The following ARHGAP6 variants were observed in gnomAD, a reference collection of about 807,000 sequenced individuals.
ARHGAP6 encodes rho GTPase-activating protein 6.
Under a neutral mutation model 55.7 loss-of-function variants are expected in ARHGAP6, and 16 were observed. The ratio of observed to expected loss-of-function variants is 0.29; its 90% CI spans 0.19 to 0.44. ARHGAP6 has a LOEUF of 0.44. ARHGAP6 is among the 20% of genes least tolerant of loss of function. The pLI, the probability that ARHGAP6 is intolerant of heterozygous loss-of-function variation, is 1.00. For synonymous variants in ARHGAP6, 382 were observed against 360.9 expected (o/e 1.06, Z -0.66); for missense variants, 698 against 808.9 (o/e 0.86, Z 1.66).
intron 1 of ARHGAP6, among the ~76,000 whole-genome samples, chrX:11,467,672 T>C (rs1013347732): frequency 9.0e-6 from 1 of 111,648 alleles, no homozygotes; most frequent in Non-Finnish European, 1.9e-5. Flanking sequence ...TATCCATTTA[T>C]ATAAAGTACA....
intron 2 of ARHGAP6, among the ~76,000 whole-genome samples, chrX:11,222,422 A>T (rs2046985308): frequency 8.9e-6 from 1 of 111,881 alleles, no homozygotes; most frequent in Non-Finnish European, 1.9e-5. Flanking sequence ...TACTGTATGT[A>T]AAAAATATTT....
chrX:11,515,752 T>A (rs1752889246), intron 1 of ARHGAP6, among the ~76,000 whole-genome samples: 1 of 112,681 alleles, frequency 8.9e-6, no homozygotes, highest in Non-Finnish European at 1.9e-5. Flanking sequence ...GAAAGAAATG[T>A]CCTTTTCAGA....
At chrX:11,651,728 T>C (rs1484998644) in intron 1 of ARHGAP6, among the ~76,000 whole-genome samples, 2 of 111,998 alleles carry the variant, frequency 1.8e-5, no homozygotes, top group African/African-American at 6.5e-5. Context: ...TCTTCCACAG[T>C]GGTTCAACTA....
chrX:11,336,793 A>T (rs1735746429), intron 1 of ARHGAP6, among the ~76,000 whole-genome samples: 1 of 111,983 alleles, frequency 8.9e-6, no homozygotes, highest in African/African-American at 3.2e-5. Flanking sequence ...CCCAAGCAAC[A>T]TTCATCTGGG....
intron 1 of ARHGAP6, among the ~76,000 whole-genome samples, chrX:11,268,702 T>C (rs1252996845): frequency 9.0e-6 from 1 of 111,453 alleles, no homozygotes; most frequent in Non-Finnish European, 1.9e-5. Context: ...TGCATAGCCA[T>C]GTGTGGTAGT....
intron 2 of ARHGAP6, among the ~76,000 whole-genome samples, chrX:11,252,754 C>A (rs1423830343): frequency 1.8e-5 from 2 of 112,173 alleles, no homozygotes; most frequent in Admixed American, 1.9e-4. Context: ...CCTTGTCTAT[C>A]TCTCTCTTCT....
chrX:11,624,222 A>T (rs1363347055), intron 1 of ARHGAP6, among the ~76,000 whole-genome samples: 2 of 112,499 alleles, frequency 1.8e-5, no homozygotes, highest in Non-Finnish European at 3.7e-5. Context: ...CAAAAATAAA[A>T]TCAAAATGAA....
At chrX:11,371,313 A>G (rs891198604) in intron 1 of ARHGAP6, among the ~76,000 whole-genome samples, 1 of 112,247 alleles carries the variant, frequency 8.9e-6, no homozygotes, top group Non-Finnish European at 1.9e-5. Flanking sequence ...TTGTAAATAA[A>G]GTTTTATTGG....
At chrX:11,351,513 T>C in intron 1 of ARHGAP6, 1 of 930,664 alleles carries the variant, frequency 1.1e-6, no homozygotes, top group South Asian at 2.4e-5. Flanking sequence ...TGCTGGATAG[T>C]GGCGTTGGAA....
intron 1 of ARHGAP6, among the ~76,000 whole-genome samples, chrX:11,350,366 G>A (rs747618317): frequency 8.9e-6 from 1 of 111,775 alleles, no homozygotes; most frequent in South Asian, 3.7e-4. Context: ...AAAAATATTC[G>A]GAAAAAAAGT....
Position 11,461,638 on chromosome X carries a change from G to A in ARHGAP6, c.588+202603C>T, listed in dbSNP as rs754822933. 1.1e-4 allele frequency among the ~76,000 whole-genome samples: 12 copies of A among 112,229 alleles called. No individual in the cohort carries two copies. In the East Asian group the frequency reaches 2.5e-3, roughly 23 times the overall value. ...TTCCCCGGGCCTCTCTCCAAGGTAC[G>A]GACTGCTTCTTGACCATCACAACGA... On this transcript the variant is annotated intron_variant, in intron 1 of 12. Coordinates refer to ENST00000337414, the MANE Select transcript of ARHGAP6 (RefSeq NM_013427.3).
intron 9 of ARHGAP6, among the ~76,000 whole-genome samples, chrX:11,160,586 T>C (rs923800211): frequency 2.7e-5 from 3 of 112,101 alleles, no homozygotes; most frequent in Admixed American, 1.9e-4. Flanking sequence ...GAGTATGTAG[T>C]ATGTCTAAGA....
intron 1 of ARHGAP6, among the ~76,000 whole-genome samples, chrX:11,385,057 G>T (rs5935048): frequency 0.055 from 6,118 of 111,684 alleles, 186 homozygotes; most frequent in African/African-American, 0.12. Context: ...AGAAAAGGTT[G>T]AAGCTTAGAA....
At chrX:11,641,630 A>G (rs1057267321) in intron 1 of ARHGAP6, among the ~76,000 whole-genome samples, 1 of 112,080 alleles carries the variant, frequency 8.9e-6, no homozygotes, top group Non-Finnish European at 1.9e-5. Context: ...AAAAGCATGT[A>G]TTTAAATTAT....
At chrX:11,199,389 A>G (rs1255830137) in intron 2 of ARHGAP6, among the ~76,000 whole-genome samples, 4 of 111,771 alleles carry the variant, frequency 3.6e-5, no homozygotes, top group African/African-American at 1.3e-4. Flanking sequence ...GTCCCACTCC[A>G]GATATGCTAA....
intron 1 of ARHGAP6, among the ~76,000 whole-genome samples, chrX:11,312,696 G>T (rs141749711): frequency 0.014 from 1,605 of 111,437 alleles, 20 homozygotes; most frequent in African/African-American, 0.041. Flanking sequence ...TGATGATGAT[G>T]ATTATTATTA....
At position 11,199,378 on chromosome X, in the gene ARHGAP6, G is replaced by A. The variant is rs192864342; in HGVS notation, c.749-2382C>T. Reference sequence around the variant, plus strand: ...CCTGCTAGAGGTACAAACTCTCTATGGTCCCACTCCAGATATGCTAAATCT... The same window carrying A: ...CCTGCTAGAGGTACAAACTCTCTATAGTCCCACTCCAGATATGCTAAATCT... On this transcript the variant is annotated intron_variant, in intron 2 of 12. Coordinates refer to ENST00000337414, the MANE Select transcript of ARHGAP6 (RefSeq NM_013427.3). Among the ~76,000 whole-genome samples the A allele has an allele frequency of 3.0e-3, 337 of 111,697 alleles. 1 individual carries two copies. The highest frequency in any genetic ancestry group is 0.01 in the African/African-American group (313 of 30,712).
chrX:11,273,225 G>A (rs1373159160), intron 1 of ARHGAP6, among the ~76,000 whole-genome samples: 2 of 110,198 alleles, frequency 1.8e-5, no homozygotes, highest in Non-Finnish European at 3.8e-5. Flanking sequence ...ATAAATTAAC[G>A]TGGCAATATG....
chrX:11,166,522 A>G (rs1413242742), intron 9 of ARHGAP6, among the ~76,000 whole-genome samples: 1 of 112,448 alleles, frequency 8.9e-6, no homozygotes, highest in African/African-American at 3.2e-5. Flanking sequence ...AAAGCCAAAC[A>G]AAACAAAACA....
Sources: gnomAD v4.1 joint callset for allele counts (sites outside exome capture counted in the v4.1 genomes callset) on GRCh38, gnomAD v4.1.1 for gene constraint, MANE v1.5 for transcripts, NCBI Gene and HGNC (gene_info 2026-07-23, HGNC 2026-07-21) for gene names.